The following KDM6A variants were observed in gnomAD, a reference collection of about 807,000 sequenced individuals.
KDM6A encodes the protein lysine-specific demethylase 6A.
Under a neutral mutation model 117.6 loss-of-function variants are expected in KDM6A, and 11 were observed. The ratio of observed to expected loss-of-function variants is 0.09; its 90% CI spans 0.06 to 0.15. KDM6A has a LOEUF of 0.15. Among genes scored for constraint, KDM6A ranks in the 10% least tolerant of loss-of-function variants. The pLI, the probability that KDM6A is intolerant of heterozygous loss-of-function variation, is 1.00. For missense variants in KDM6A, 799 were observed against 1,077.3 expected (o/e 0.74, Z 3.62); for synonymous variants, 384 against 396.1 (o/e 0.97, Z 0.36).
intron 2 of KDM6A, among the ~76,000 whole-genome samples, chrX:44,927,392 AT>A (rs2036371144): frequency 9.0e-6 from 1 of 111,012 alleles, no homozygotes; most frequent in Admixed American, 9.7e-5. Context: ...TGACTAAAGG[AT>A]AACATTATAG....
chrX:44,899,270 A>G (rs961571833), intron 2 of KDM6A, among the ~76,000 whole-genome samples: 2 of 89,150 alleles, frequency 2.2e-5, no homozygotes, highest in African/African-American at 4.5e-5. Context: ...TGTGTTTTCC[A>G]TTGGTATTTA....
intron 2 of KDM6A, among the ~76,000 whole-genome samples, chrX:44,933,100 C>T (rs1255607652): frequency 9.3e-6 from 1 of 107,794 alleles, no homozygotes; most frequent in African/African-American, 3.4e-5. Context: ...GTTGGCCAGG[C>T]TGGTCTCGAA....
intron 7 of KDM6A, among the ~76,000 whole-genome samples, chrX:45,035,269 G>A: frequency 8.9e-6 from 1 of 111,846 alleles, no homozygotes; most frequent in African/African-American, 3.2e-5. Flanking sequence ...TATTGTAGAT[G>A]ACTTGGTAGG....
chrX:45,036,037 C>T (rs2042799473), intron 7 of KDM6A, among the ~76,000 whole-genome samples: 1 of 112,063 alleles, frequency 8.9e-6, no homozygotes, highest in African/African-American at 3.2e-5. Flanking sequence ...AAAAATCGAG[C>T]AATTAATGAC....
intron 4 of KDM6A, among the ~76,000 whole-genome samples, chrX:44,987,903 G>A (rs1423625231): frequency 8.1e-5 from 9 of 110,532 alleles, no homozygotes; most frequent in South Asian, 3.9e-4. Flanking sequence ...TGCTCTTCTC[G>A]AGGAGTATCT....
At position 44,963,808 on chromosome X, in the gene KDM6A, C is replaced by A. The variant is rs146774390; in HGVS notation, c.334+2416C>A. ...GATCTCAGCTCACTGCAACCTCCGC[C>A]TCCTGGGTTCAAGCGAGTCTCCTGC... On this transcript the variant is annotated intron_variant, in intron 3 of 29. Transcript: ENST00000611820. Among the ~76,000 whole-genome samples, 1,093 of 110,378 alleles carry A rather than the reference C, an allele frequency of 9.9e-3. 14 individuals carry two copies. Among genetic ancestry groups the A allele is most frequent in the African/African-American group, 0.035 (1,055 of 30,292 alleles).
chrX:45,038,594 G>T (rs1249061408), intron 8 of KDM6A, among the ~76,000 whole-genome samples: 1 of 85,446 alleles, frequency 1.2e-5, no homozygotes, highest in Non-Finnish European at 2.2e-5. Context: ...TAACACATTT[G>T]GGGGGGGGTG....
At chrX:45,047,121 T>C (rs182988970) in intron 8 of KDM6A, among the ~76,000 whole-genome samples, 217 of 111,626 alleles carry the variant, frequency 1.9e-3, no homozygotes, top group Middle Eastern at 0.014. Flanking sequence ...TGGTTGCTTT[T>C]AAAAGGTTTT....
chrX:45,093,868 G>T (rs2045995468), intron 27 of KDM6A, among the ~76,000 whole-genome samples: 1 of 111,195 alleles, frequency 9.0e-6, no homozygotes, highest in Non-Finnish European at 1.9e-5. Context: ...TAGTGATACT[G>T]TTGTTTCTTA....
Position 44,978,168 on chromosome X carries a change from A to G in KDM6A, c.384+3453A>G, listed in dbSNP as rs187736022. 3.6e-5 allele frequency among the ~76,000 whole-genome samples: 4 copies of G among 112,245 alleles called. No individual in the cohort carries two copies. In the Admixed American group the frequency reaches 3.8e-4, roughly 11 times the overall value. ...GAGAAATTCACCCACATTTTCTTTCAGTACTTGAATGGTTTAATATTTTAC... is the reference window on the plus strand; with the variant it reads ...GAGAAATTCACCCACATTTTCTTTCGGTACTTGAATGGTTTAATATTTTAC... On this transcript the variant is annotated intron_variant, in intron 4 of 29. Coordinates refer to ENST00000611820, the MANE Select transcript of KDM6A (RefSeq NM_001291415.2).
intron 10 of KDM6A, among the ~76,000 whole-genome samples, chrX:45,057,396 CAATT>C (rs2044118125): frequency 9.0e-6 from 1 of 111,356 alleles, no homozygotes; most frequent in African/African-American, 3.3e-5. Flanking sequence ...AACATCTAAT[CAATT>C]AATCACAAAG....
Position 44,884,802 on chromosome X carries a change from T to G in KDM6A, c.225+10815T>G, listed in dbSNP as rs772849059. 4.5e-5 allele frequency among the ~76,000 whole-genome samples: 5 copies of G among 111,784 alleles called. No individual in the cohort carries two copies. The South Asian group carries it at 1.8e-3, about 41-fold the overall frequency. ...TCAGTCTTTGCAAGGATGCTGTGTT[T>G]TAGGTCCTCTTTACTCACCCTGTTC... On this transcript the variant is annotated intron_variant, in intron 2 of 29. Coordinates refer to ENST00000611820, the MANE Select transcript of KDM6A (RefSeq NM_001291415.2).
intron 3 of KDM6A, among the ~76,000 whole-genome samples, chrX:44,965,279 C>G (rs957636652): frequency 1.8e-5 from 2 of 111,780 alleles, no homozygotes; most frequent in Non-Finnish European, 3.8e-5. Flanking sequence ...TTTTTGCTTC[C>G]TTGTCTTTTG....
chrX:44,991,292 T>G (rs1027332553), intron 4 of KDM6A, among the ~76,000 whole-genome samples: 1 of 111,853 alleles, frequency 8.9e-6, no homozygotes, highest in African/African-American at 3.2e-5. Context: ...CTTCTTTCTT[T>G]GGACTTATTC....
chrX:44,947,531 A>G (rs775549836), intron 2 of KDM6A, among the ~76,000 whole-genome samples: 3 of 108,574 alleles, frequency 2.8e-5, no homozygotes, highest in Non-Finnish European at 5.7e-5. Flanking sequence ...GCCCGCCACC[A>G]CGCCCGACTA....
intron 4 of KDM6A, among the ~76,000 whole-genome samples, chrX:44,978,741 G>C (rs1407579535): frequency 8.9e-6 from 1 of 111,850 alleles, no homozygotes; most frequent in Non-Finnish European, 1.9e-5. Context: ...GTGTTCCCTT[G>C]TGCCATTTTC....
At chrX:45,089,564 T>C (rs754004792) in intron 25 of KDM6A, among the ~76,000 whole-genome samples, 179 bp from the exon 26 acceptor site, 11 of 111,083 alleles carry the variant, frequency 9.9e-5, no homozygotes, top group Admixed American at 9.6e-4. Context: ...CTTTAGTAAT[T>C]TAGTACTCAA....
At chrX:45,072,552 G>A (rs1372823839) in intron 18 of KDM6A, among the ~76,000 whole-genome samples, 1 of 110,643 alleles carries the variant, frequency 9.0e-6, no homozygotes, top group Non-Finnish European at 1.9e-5. Context: ...TTCACTGCCA[G>A]TTTGACTGTC....
intron 10 of KDM6A, among the ~76,000 whole-genome samples, chrX:45,058,269 T>C (rs758853128): frequency 1.8e-5 from 2 of 109,914 alleles, no homozygotes; most frequent in Non-Finnish European, 3.8e-5. Context: ...TTGTTTTTTT[T>C]CTTTTTCCTT....
Sources: gnomAD v4.1 joint callset for allele counts (sites outside exome capture counted in the v4.1 genomes callset) on GRCh38, gnomAD v4.1.1 for gene constraint, MANE v1.5 for transcripts, NCBI Gene and HGNC (gene_info 2026-07-23, HGNC 2026-07-21) for gene names.